PYGB: variants seen among roughly 807,000 people sequenced by gnomAD.
The protein encoded by PYGB is glycogen phosphorylase, brain form.
PYGB carries 82 observed loss-of-function variants against 94.3 expected under a neutral mutation model. The observed-to-expected ratio is 0.87, with a 90% CI of 0.73 to 1.04. The LOEUF (loss-of-function observed/expected upper bound fraction) is 1.04, where lower values mean the gene tolerates loss of function less well. Among genes scored for constraint, PYGB ranks in the 50% least tolerant of loss-of-function variants. The pLI, the probability that PYGB is intolerant of heterozygous loss-of-function variation, is 0.00. For missense variants in PYGB, 1,132 were observed against 1,158.2 expected (o/e 0.98, Z 0.33); for synonymous variants, 488 against 479.1 (o/e 1.02, Z -0.24).
intron 17 of PYGB, chr20:25,293,785 C>T: frequency 3.3e-6 from 1 of 300,818 alleles, no homozygotes; most frequent in South Asian, 3.0e-5. Context: ...TCACTTCCTG[C>T]CCCTCCGGCC....
intron 1 of PYGB, among the ~76,000 whole-genome samples, chr20:25,254,732 T>G (rs939584634): frequency 7.9e-5 from 12 of 152,222 alleles, no homozygotes; most frequent in African/African-American, 2.9e-4. Context: ...GTAAGTTGAT[T>G]AGGCTCTGTC....
chr20:25,261,685 C>G (rs896888324), intron 2 of PYGB, among the ~76,000 whole-genome samples: 1 of 152,138 alleles, frequency 6.6e-6, no homozygotes, highest in Non-Finnish European at 1.5e-5. Flanking sequence ...CTTCTCCGAG[C>G]TAAAGGAGGA....
chr20:25,282,336 C>T (rs2088375872), intron 12 of PYGB, among the ~76,000 whole-genome samples, 189 bp downstream of exon 12: 1 of 152,218 alleles, frequency 6.6e-6, no homozygotes, highest in Admixed American at 6.5e-5. Context: ...ACCCATTGGG[C>T]CTGGCGGGTC....
At position 25,259,278 on chromosome 20, in the gene PYGB, G is replaced by C. The variant is rs201935645; in HGVS notation, c.285G>C (p.Thr95=). 6.2e-7 allele frequency: 1 copy of C among 1,612,028 alleles called. No individual in the cohort carries two copies. Residue 95 remains threonine, a synonymous_variant, in exon 2 of 20, where the codon ACG becomes ACC. Coordinates refer to ENST00000216962, the MANE Select transcript of PYGB (RefSeq NM_002862.4). ...YLSLEFYMGR[T]LQNTMVNLGL... ...CCCTGGAATTCTACATGGGTCGCACGCTGCAGAACACGATGGTGAACCTGG... is the reference window on the plus strand; with the variant it reads ...CCCTGGAATTCTACATGGGTCGCACCCTGCAGAACACGATGGTGAACCTGG...
chr20:25,274,628 C>T lies in PYGB; in HGVS notation c.565C>T (p.Pro189Ser), dbSNP rs775415698. ...CGATGACTGGCTGCGCTACGGCAAC[C>T]CCTGGGAGAAAGCGCGGCCTGAGTA... ...EADDWLRYGN[P>S]WEKARPEYML... is the part of the protein sequence containing the mutation. Residue 189 changes from proline to serine, a missense_variant, in exon 5 of 20, where the codon CCC becomes TCC. Coordinates refer to ENST00000216962, the MANE Select transcript of PYGB (RefSeq NM_002862.4). 1 of 1,613,830 alleles carries T rather than the reference C, an allele frequency of 6.2e-7. No homozygotes were observed.
At chr20:25,292,274 G>C (rs1600743020) in intron 16 of PYGB, 132 bp from the exon 17 acceptor site, 3 of 1,069,372 alleles carry the variant, frequency 2.8e-6, no homozygotes, top group Middle Eastern at 6.2e-4. Context: ...GTGGGGGCTG[G>C]AGCGGGGCCA....
chr20:25,282,091 A>G lies in PYGB; in HGVS notation c.1462A>G (p.Thr488Ala), dbSNP rs760514267. The G allele has an allele frequency of 1.3e-6, 2 of 1,571,806 alleles. No homozygotes were observed. Among genetic ancestry groups the G allele is most frequent in the African/African-American group, 2.7e-5 (2 of 73,714 alleles). Reference sequence around the variant, plus strand: ...GTTCCAGAATAAGACCAATGGCATCACCCCCCGCCGGTGGCTGCTGCTGTG... The same window carrying G: ...GTTCCAGAATAAGACCAATGGCATCGCCCCCCGCCGGTGGCTGCTGCTGTG... The part of the protein sequence containing the change: ...EKFQNKTNGI[T>A]PRRWLLLCNP... The change falls in exon 12 of 20, where the codon ACC (threonine) becomes GCC (alanine). Residue 488 changes from threonine (T) to alanine (A), a missense_variant. Physicochemically the swap from Thr to Ala is moderately conservative, Grantham distance 58 (BLOSUM62 0). Transcript: ENST00000216962.
intron 14 of PYGB, among the ~76,000 whole-genome samples, chr20:25,284,675 T>C (rs1398863617): frequency 6.6e-6 from 1 of 152,230 alleles, no homozygotes; most frequent in African/African-American, 2.4e-5. Flanking sequence ...ATCTACCCAC[T>C]TCTGCCTCCC....
Position 25,248,215 on chromosome 20 carries a change from C to A in PYGB, c.37C>A (p.Gln13Lys). 6.3e-7 allele frequency: 1 copy of A among 1,594,970 alleles called. No homozygotes were observed. The highest frequency in any genetic ancestry group is 1.4e-5 in the African/African-American group (1 of 73,296). Residue 13 changes from glutamine (Q) to lysine (K), a missense_variant, in exon 1 of 20, where the codon CAG (glutamine) becomes AAG (lysine). By Grantham distance (53) the Gln-to-Lys change is moderately conservative. Transcript: ENST00000216962. ...GCTGACGGACAGCGAGAAGCGGAAG[C>A]AGATCAGCGTGCGCGGCCTGGCGGG... ...KPLTDSEKRK[Q>K]ISVRGLAGLG...
chr20:25,283,105 G>C, intron 12 of PYGB, 71 bp from the exon 13 acceptor site: 1 of 1,281,472 alleles, frequency 7.8e-7, no homozygotes, highest in East Asian at 2.3e-5. Context: ...AATGGGAGGA[G>C]GGCAGGTGGC....
At chr20:25,280,854 A>G (rs12106151) in intron 10 of PYGB, 95 bp from the exon 11 acceptor site, 71,274 of 1,468,052 alleles carry the variant, frequency 0.049, 1,977 homozygotes, top group Middle Eastern at 0.056. Flanking sequence ...AGAGCTTCCC[A>G]TGGGTGGTCA....
chr20:25,276,983 C>T (rs1034046047), intron 6 of PYGB, among the ~76,000 whole-genome samples: 1 of 150,856 alleles, frequency 6.6e-6, no homozygotes, highest in African/African-American at 2.4e-5. Context: ...ACACCTGGGC[C>T]CTGGGCACCC....
chr20:25,253,045 C>T (rs1015985174), intron 1 of PYGB, among the ~76,000 whole-genome samples: 2 of 152,224 alleles, frequency 1.3e-5, no homozygotes, highest in Non-Finnish European at 1.5e-5. Flanking sequence ...TTTTATTGCT[C>T]TTATCACTTA....
At chr20:25,265,277 C>G (rs890064956) in intron 2 of PYGB, among the ~76,000 whole-genome samples, 1 of 150,256 alleles carries the variant, frequency 6.7e-6, no homozygotes, top group Admixed American at 6.6e-5. Context: ...ATGGCAGTTC[C>G]ATTCTTAATT....
rs142812907 is a variant in PYGB at position 25,281,031 on chromosome 20, A to G, written c.1322A>G (p.Asn441Ser). 1,036 of 1,614,196 alleles carry G rather than the reference A, an allele frequency of 6.4e-4. 2 individuals carry two copies. Among genetic ancestry groups the G allele is most frequent in the Non-Finnish European group, 7.7e-4 (909 of 1,180,024 alleles). Reference protein sequence around the residue: ...VIEEGDCKRINMAHLCVIGSH... With the variant: ...VIEEGDCKRISMAHLCVIGSH... ...GAGGAGGGGGACTGCAAGCGGATCAACATGGCCCACCTGTGTGTGATTGGG... is the reference window on the plus strand; with the variant it reads ...GAGGAGGGGGACTGCAAGCGGATCAGCATGGCCCACCTGTGTGTGATTGGG... The change falls in exon 11 of 20, where the codon AAC becomes AGC. Residue 441 changes from asparagine (N) to serine (S), a missense_variant. Transcript: ENST00000216962.
chr20:25,256,495 C>T (rs1472860018), intron 1 of PYGB, among the ~76,000 whole-genome samples: 2 of 120,124 alleles, frequency 1.7e-5, no homozygotes, highest in Non-Finnish European at 3.5e-5. Context: ...AACTCTGTCT[C>T]AAAAAAAAAA....
chr20:25,296,065 C>A (rs1006866632), intron 19 of PYGB, among the ~76,000 whole-genome samples: 1 of 152,198 alleles, frequency 6.6e-6, no homozygotes, highest in African/African-American at 2.4e-5. Context: ...GGCACTGGAT[C>A]TGCCTGGGCA....
chr20:25,293,997 C>A, intron 17 of PYGB, 161 bp from the exon 18 acceptor site: 1 of 914,122 alleles, frequency 1.1e-6, no homozygotes, highest in Non-Finnish European at 1.6e-6. Context: ...TCAAGGGCCT[C>A]GTAACCACCC....
intron 2 of PYGB, among the ~76,000 whole-genome samples, chr20:25,261,098 T>C (rs1279728775): frequency 1.3e-5 from 2 of 152,222 alleles, no homozygotes; most frequent in African/African-American, 4.8e-5. Context: ...TGCAGACAAA[T>C]GTCTCTGTGT....
Sources: gnomAD v4.1 joint callset for allele counts (sites outside exome capture counted in the v4.1 genomes callset) on GRCh38, gnomAD v4.1.1 for gene constraint, MANE v1.5 for transcripts, NCBI Gene and HGNC (gene_info 2026-07-23, HGNC 2026-07-21) for gene names.